KDM4C: variants seen among roughly 807,000 people sequenced by gnomAD.
KDM4C encodes the protein lysine-specific demethylase 4C.
Under a neutral mutation model 129.3 loss-of-function variants are expected in KDM4C, and 81 were observed. The observed-to-expected ratio is 0.63, with a 90% confidence interval of 0.52 to 0.75. The LOEUF is 0.75. KDM4C is among the 30% of genes least tolerant of loss of function. The probability of loss-of-function intolerance (pLI) is 0.00; values close to 1 mark genes in which losing one functional copy is unlikely to be tolerated. For synonymous variants in KDM4C, 573 were observed against 456.1 expected, an observed-to-expected ratio of 1.26 and a Z score of -3.26; for missense variants, 1,457 against 1,304.0, an observed-to-expected ratio of 1.12 and a Z score of -1.81.
chr9:7,124,446 GAGTT>G (rs1839828823), intron 18 of KDM4C, among the ~76,000 whole-genome samples: 2 of 152,066 alleles, frequency 1.3e-5, no homozygotes, highest in Admixed American at 6.6e-5. Context: ...TGGCCTCCTA[GAGTT>G]AGTTGTAACC....
chr9:7,111,277 C>T (rs1838290642), intron 18 of KDM4C, among the ~76,000 whole-genome samples: 1 of 152,064 alleles, frequency 6.6e-6, no homozygotes, highest in African/African-American at 2.4e-5. Flanking sequence ...AAATCTGAAA[C>T]TTTTTGAGTA....
chr9:6,858,335 T>G (rs1322729958), intron 5 of KDM4C, among the ~76,000 whole-genome samples: 1 of 148,838 alleles, frequency 6.7e-6, no homozygotes, highest in Non-Finnish European at 1.5e-5. Context: ...GCTACTCTTT[T>G]AGTTACACCA....
At chr9:6,721,160 A>G (rs1464361383) in intron 1 of KDM4C, 2 of 568,350 alleles carry the variant, frequency 3.5e-6, no homozygotes, top group African/African-American at 1.9e-5. Context: ...TGCAGCCTCA[A>G]CATCCCAGGC....
chr9:7,128,032 T>C, intron 18 of KDM4C, 34 bp from the exon 19 acceptor site: 1 of 1,385,796 alleles, frequency 7.2e-7, no homozygotes, highest in Non-Finnish European at 9.5e-7. Flanking sequence ...GTTCTCTTAC[T>C]TCTTTTCTTC....
intron 1 of KDM4C, among the ~76,000 whole-genome samples, chr9:6,784,788 C>T (rs1588242423): frequency 6.6e-6 from 1 of 152,176 alleles, no homozygotes; most frequent in Non-Finnish European, 1.5e-5. Context: ...AGTTTCTTTG[C>T]TGTGTTGCTT....
chr9:6,821,982 G>A (rs928586479), intron 4 of KDM4C, among the ~76,000 whole-genome samples: 4 of 151,990 alleles, frequency 2.6e-5, no homozygotes, highest in Admixed American at 2.0e-4. Flanking sequence ...ATTTCCTTAG[G>A]TTATACTAAA....
chr9:7,046,914 A>G lies in KDM4C; in HGVS notation c.2312A>G (p.Asn771Ser), dbSNP rs144397110. ...GGTGCTCTTAAGCAAACGAAGAACA[A>G]TAAGTAAGTAATACATTAATTGTGT... ...RGGALKQTKN[N>S]KWAHVMCAVA... Residue 771 changes from asparagine to serine, a missense_variant, in exon 16 of 22, where the codon AAT becomes AGT. Asn to Ser is a conservative substitution (Grantham distance 46, BLOSUM62 1). Transcript: ENST00000381309. 24 of 1,574,252 alleles carry G rather than the reference A, an allele frequency of 1.5e-5. No homozygotes were observed. Among genetic ancestry groups the G allele is most frequent in the African/African-American group, 5.4e-5 (4 of 74,292 alleles).
chr9:6,894,162 G>A (rs1015043822), intron 8 of KDM4C, among the ~76,000 whole-genome samples: 1 of 152,204 alleles, frequency 6.6e-6, no homozygotes, highest in Non-Finnish European at 1.5e-5. Context: ...ATATTTAGGG[G>A]AGACAACTCT....
chr9:6,899,439 A>C (rs1418378932), intron 8 of KDM4C, among the ~76,000 whole-genome samples: 1 of 152,122 alleles, frequency 6.6e-6, no homozygotes, highest in South Asian at 2.1e-4. Flanking sequence ...GGTGTTGTAC[A>C]TTCAGTGGGT....
At chr9:7,006,638 TGTG>T (rs1821725475) in intron 12 of KDM4C, among the ~76,000 whole-genome samples, 1 of 152,100 alleles carries the variant, frequency 6.6e-6, no homozygotes, top group Non-Finnish European at 1.5e-5. Flanking sequence ...AAGCAGAAGT[TGTG>T]GTCAGTTTCT....
intron 18 of KDM4C, among the ~76,000 whole-genome samples, chr9:7,109,366 C>G (rs113556659): frequency 6.6e-6 from 1 of 152,170 alleles, no homozygotes; most frequent in Non-Finnish European, 1.5e-5. Flanking sequence ...TAGTTCTGTT[C>G]CCAGATGGGG....
intron 17 of KDM4C, among the ~76,000 whole-genome samples, chr9:7,054,246 C>T (rs1270241013): frequency 6.6e-6 from 1 of 152,066 alleles, no homozygotes; most frequent in Non-Finnish European, 1.5e-5. Flanking sequence ...GATTGGTGTG[C>T]CTGAGGACTG....
chr9:6,755,684 A>G (rs1388963084), upstream of KDM4C, among the ~76,000 whole-genome samples: 1 of 152,256 alleles, frequency 6.6e-6, no homozygotes, highest in African/African-American at 2.4e-5. Context: ...TTCCATTAAT[A>G]TATTGCAATT....
intron 8 of KDM4C, among the ~76,000 whole-genome samples, chr9:6,962,348 T>C (rs1052742693): frequency 6.6e-6 from 1 of 152,206 alleles, no homozygotes; most frequent in Non-Finnish European, 1.5e-5. Context: ...AGTTATCCAG[T>C]CTTCTAGTGT....
At chr9:6,895,955 A>T (rs1185701092) in intron 8 of KDM4C, among the ~76,000 whole-genome samples, 1 of 151,904 alleles carries the variant, frequency 6.6e-6, no homozygotes, top group Admixed American at 6.6e-5. Flanking sequence ...CTGAGTTAGC[A>T]TTTTTTTTAC....
intron 5 of KDM4C, among the ~76,000 whole-genome samples, chr9:6,873,291 C>T (rs1343935687): frequency 6.6e-6 from 1 of 152,178 alleles, no homozygotes; most frequent in Non-Finnish European, 1.5e-5. Flanking sequence ...GAGTGAGCTA[C>T]CATGCCCGTC....
intron 18 of KDM4C, among the ~76,000 whole-genome samples, chr9:7,120,528 T>G (rs1280899953): frequency 6.6e-6 from 1 of 152,192 alleles, no homozygotes; most frequent in African/African-American, 2.4e-5. Flanking sequence ...GGAATAGTAA[T>G]GAATTCCAAA....
At chr9:6,829,496 A>G (rs747454591) in intron 4 of KDM4C, among the ~76,000 whole-genome samples, 9 of 152,218 alleles carry the variant, frequency 5.9e-5, no homozygotes, top group African/African-American at 9.6e-5. Context: ...GTCATTGACA[A>G]TTTCAGCTGG....
chr9:6,987,973 C>G (rs1818018522), intron 11 of KDM4C, among the ~76,000 whole-genome samples: 1 of 150,948 alleles, frequency 6.6e-6, no homozygotes, highest in Non-Finnish European at 1.5e-5. Context: ...GCCTGGACAA[C>G]ATGGTCACAC....
Sources: gnomAD v4.1 joint callset for allele counts (sites outside exome capture counted in the v4.1 genomes callset) on GRCh38, gnomAD v4.1.1 for gene constraint, MANE v1.5 for transcripts, NCBI Gene and HGNC (gene_info 2026-07-23, HGNC 2026-07-21) for gene names.